IPO11: variants seen among roughly 807,000 people sequenced by gnomAD.
The protein encoded by IPO11 is importin-11.
A neutral mutation model predicts 143.2 loss-of-function variants in IPO11; 66 were observed. The observed-to-expected ratio is 0.46, with a 90% CI of 0.38 to 0.57. The LOEUF is 0.57. IPO11 is among the 20% of genes least tolerant of loss of function. The probability of loss-of-function intolerance (pLI) is 0.00; values close to 1 mark genes in which losing one functional copy is unlikely to be tolerated. For synonymous variants in IPO11, 385 were observed against 377.8 expected, an observed-to-expected ratio of 1.02 and a Z score of -0.22; for missense variants, 1,026 against 1,141.0, an observed-to-expected ratio of 0.90 and a Z score of 1.45.
chr5:62,618,719 T>G (rs1425322072), intron 29 of IPO11, among the ~76,000 whole-genome samples: 4 of 152,140 alleles, frequency 2.6e-5, no homozygotes, highest in African/African-American at 9.7e-5. Context: ...AAAAATAAAC[T>G]TAGGACCTGA....
chr5:62,568,837 A>C (rs1227096295), intron 27 of IPO11, among the ~76,000 whole-genome samples: 1 of 152,150 alleles, frequency 6.6e-6, no homozygotes, highest in Non-Finnish European at 1.5e-5. Flanking sequence ...TTAAAGAATT[A>C]GATATTTTTT....
At chr5:62,621,491 GGAGCAGGCGGGTTA>G (rs879733506) in intron 29 of IPO11, among the ~76,000 whole-genome samples, 2 of 152,102 alleles carry the variant, frequency 1.3e-5, no homozygotes, top group Non-Finnish European at 2.9e-5. Context: ...GTCCTCCCAC[GGAGCAGGCGGGTTA>G]GAGATTCTCC....
chr5:62,448,690 A>G (rs769127009), intron 3 of IPO11, among the ~76,000 whole-genome samples: 1 of 151,968 alleles, frequency 6.6e-6, no homozygotes, highest in Admixed American at 6.6e-5. Context: ...ACCTCAGACT[A>G]CAGGTGTATG....
intron 21 of IPO11, among the ~76,000 whole-genome samples, chr5:62,528,276 G>A (rs1742430838): frequency 1.3e-5 from 2 of 152,176 alleles, no homozygotes; most frequent in Admixed American, 6.5e-5. Flanking sequence ...GATTTTCCTA[G>A]TAAGATTAGT....
chr5:62,433,930 T>G (rs1285790597), intron 1 of IPO11, among the ~76,000 whole-genome samples: 1 of 152,170 alleles, frequency 6.6e-6, no homozygotes, highest in Admixed American at 6.6e-5. Flanking sequence ...GGGATGAGGA[T>G]GAGTTCTGGT....
chr5:62,476,634 T>G, intron 8 of IPO11, 49 bp from the exon 9 acceptor site: 1 of 1,469,750 alleles, frequency 6.8e-7, no homozygotes, highest in Non-Finnish European at 9.1e-7. Context: ...TGATGTTGTC[T>G]TGGTTGTGAA....
At position 62,476,677 on chromosome 5, in the gene IPO11, T is replaced by C; in HGVS notation, c.758-6T>C. 1 of 1,508,626 alleles carries C rather than the reference T, an allele frequency of 6.6e-7. No individual in the cohort carries two copies. The allele number at this position is 1,508,626 out of a possible 1,614,324, so 93.5% of individuals were successfully genotyped here. On this transcript the variant is annotated splice_polypyrimidine_tract_variant and splice_region_variant and intron_variant, in intron 8 of 29. Coordinates refer to ENST00000325324, the MANE Select transcript of IPO11 (RefSeq NM_016338.5). ...ACTTCTAATATTTGAAATGTATTTT[T>C]AACAGGTAGAAGTATAGGTACAGAT...
intron 1 of IPO11, among the ~76,000 whole-genome samples, chr5:62,427,654 T>C (rs1358048436): frequency 6.6e-6 from 1 of 152,218 alleles, no homozygotes; most frequent in Non-Finnish European, 1.5e-5. Context: ...GCAAAGGATC[T>C]AGGTTGCATA....
chr5:62,618,927 T>A (rs1746244242), intron 29 of IPO11, among the ~76,000 whole-genome samples: 1 of 152,140 alleles, frequency 6.6e-6, no homozygotes, highest in Admixed American at 6.6e-5. Flanking sequence ...GTAGTTTAAT[T>A]CATTTAATAT....
intron 29 of IPO11, among the ~76,000 whole-genome samples, chr5:62,620,604 T>G (rs1236168747): frequency 2.0e-5 from 3 of 152,192 alleles, no homozygotes; most frequent in Admixed American, 1.3e-4. Context: ...ATTGGTAGAT[T>G]TAAATTTTTC....
chr5:62,583,499 G>T (rs1273860054), intron 27 of IPO11, among the ~76,000 whole-genome samples: 2 of 152,110 alleles, frequency 1.3e-5, no homozygotes, highest in African/African-American at 4.8e-5. Context: ...GACTCAACTA[G>T]AAAACCAATT....
intron 22 of IPO11, among the ~76,000 whole-genome samples, chr5:62,531,518 C>T (rs978409814): frequency 3.9e-5 from 6 of 152,018 alleles, no homozygotes; most frequent in South Asian, 2.1e-4. Flanking sequence ...TTAGTAGAGA[C>T]GGGGTTTCAC....
intron 6 of IPO11, among the ~76,000 whole-genome samples, chr5:62,467,999 G>C (rs1745628816): frequency 6.6e-6 from 1 of 151,978 alleles, no homozygotes; most frequent in African/African-American, 2.4e-5. Flanking sequence ...CCAGGTTGAA[G>C]TGCAGTGGCA....
Position 62,483,025 on chromosome 5 carries a change from A to G in IPO11, c.829-76A>G, listed in dbSNP as rs1041414746. On this transcript the variant is annotated intron_variant, in intron 9 of 29. Coordinates refer to ENST00000325324, the MANE Select transcript of IPO11 (RefSeq NM_016338.5). ...CTGCTAAATGATTATTAGTAAAGTT[A>G]TAATTGGAGTGATTATATTCCAATA... is the stretch of plus-strand genomic sequence containing the variant. 1.2e-5 allele frequency: 11 copies of G among 924,974 alleles called. No individual in the cohort carries two copies. The African/African-American group carries it at 1.7e-4, about 14-fold the overall frequency. 57.3% of individuals were successfully genotyped at this position (924,974 alleles called of 1,614,324 possible). A position where few individuals can be genotyped will look rare whatever the true frequency, so the allele number is the denominator to read the frequency against.
chr5:62,516,799 T>C (rs181083328), intron 20 of IPO11, among the ~76,000 whole-genome samples: 124 of 152,250 alleles, frequency 8.1e-4, no homozygotes, highest in Admixed American at 3.3e-3. Context: ...ATTCATAATG[T>C]TCAACTGTCA....
intron 9 of IPO11, 55 bp from the exon 10 acceptor site, chr5:62,483,046 C>A: frequency 9.0e-7 from 1 of 1,115,910 alleles, no homozygotes; most frequent in Non-Finnish European, 1.3e-6. Context: ...GATTATATTC[C>A]AATATGAATT....
intron 29 of IPO11, among the ~76,000 whole-genome samples, chr5:62,619,207 A>C (rs566096870): frequency 2.0e-5 from 3 of 152,088 alleles, no homozygotes; most frequent in Admixed American, 2.0e-4. Context: ...CCAGCCTGGG[A>C]GACACAGCGA....
intron 9 of IPO11, among the ~76,000 whole-genome samples, chr5:62,480,287 C>T (rs889008696): frequency 2.0e-5 from 3 of 152,062 alleles, no homozygotes; most frequent in Non-Finnish European, 2.9e-5. Flanking sequence ...TATTCTGTTC[C>T]GTTGGTCTAT....
chr5:62,488,740 C>T (rs1016582643), intron 13 of IPO11, among the ~76,000 whole-genome samples: 2 of 152,106 alleles, frequency 1.3e-5, no homozygotes, highest in Admixed American at 6.5e-5. Flanking sequence ...TGGTGACTCA[C>T]GCCTGTAATT....
Sources: allele counts gnomAD v4.1 joint callset (sites outside exome capture counted in the v4.1 genomes callset), GRCh38; gene constraint gnomAD v4.1.1; transcripts MANE v1.5; gene names NCBI Gene and HGNC (gene_info 2026-07-23, HGNC 2026-07-21).